The following HEBP1 variants were observed in gnomAD, a reference collection of about 807,000 sequenced individuals.
HEBP1 encodes heme-binding protein 1.
Under a neutral mutation model 20.4 loss-of-function variants are expected in HEBP1, and 13 were observed. That is an observed-to-expected ratio of 0.64 (90% CI 0.42 to 1.01). The LOEUF is 1.01. Among genes scored for constraint, HEBP1 ranks in the 50% least tolerant of loss-of-function variants. HEBP1 has a pLI of 0.00. For synonymous variants in HEBP1, 92 were observed against 90.7 expected (o/e 1.01, Z -0.08); for missense variants, 241 against 247.3 (o/e 0.97, Z 0.17).
chr12:12,978,889 A>C (rs1218134534), intron 3 of HEBP1: 1 of 152,228 alleles, frequency 6.6e-6, no homozygotes, highest in Non-Finnish European at 1.5e-5. Flanking sequence ...AAATACATTC[A>C]TGCAACAATT....
Position 12,975,237 on chromosome 12 carries a change from G to C in HEBP1, c.*71C>G. On this transcript the variant is annotated 3_prime_UTR_variant, in exon 4 of 4. Transcript: ENST00000014930. Reference sequence around the variant, plus strand: ...TTGCAGCTGGAACTTGGGAAGCACTGTCCCCTCCTTACCCCCGAGGAAGGA... The same window carrying C: ...TTGCAGCTGGAACTTGGGAAGCACTCTCCCCTCCTTACCCCCGAGGAAGGA... 1 of 1,462,876 alleles carries C rather than the reference G, an allele frequency of 6.8e-7. No individual in the cohort carries two copies. Among genetic ancestry groups the C allele is most frequent in the South Asian group, 1.2e-5 (1 of 83,334 alleles). 90.6% of individuals were successfully genotyped at this position (1,462,876 alleles called of 1,614,324 possible). A position where few individuals can be genotyped will look rare whatever the true frequency, so the allele number is the denominator to read the frequency against.
At position 12,986,874 on chromosome 12, in the gene HEBP1, G is replaced by C. The variant is rs1267495271; in HGVS notation, c.398+278C>G. On this transcript the variant is annotated intron_variant, in intron 3 of 3. Coordinates refer to ENST00000014930, the MANE Select transcript of HEBP1 (RefSeq NM_015987.5). The surrounding 1 kb of genome is among the most constrained non-coding windows in gnomAD (Gnocchi z 4.3). ...TATTTGCTGAGTCTCCTAGAACCCT[G>C]CTATGGCTAATGTAGACATTCACTG... 1 of 344,666 alleles carries C rather than the reference G, an allele frequency of 2.9e-6. No individual in the cohort carries two copies. Among genetic ancestry groups the C allele is most frequent in the Non-Finnish European group, 5.3e-6 (1 of 188,534 alleles). The allele number at this position is 344,666 out of a possible 1,614,324, so 21.4% of individuals were successfully genotyped here. A position where few individuals can be genotyped will look rare whatever the true frequency, so the allele number is the denominator to read the frequency against.
At chr12:12,999,150 TC>T (rs1011112718) in intron 1 of HEBP1, among the ~76,000 whole-genome samples, 67 of 152,306 alleles carry the variant, frequency 4.4e-4, no homozygotes, top group African/African-American at 1.5e-3. Flanking sequence ...TACACAGTAG[TC>T]CCCCTTATCT....
In HEBP1 at chr12:12,987,264, T is replaced by G. The variant is rs1275126243; in HGVS notation, c.286A>C (p.Lys96Gln). 1 of 1,614,116 alleles carries G rather than the reference T, an allele frequency of 6.2e-7. No individual in the cohort carries two copies. The highest frequency in any genetic ancestry group is 1.1e-5 in the South Asian group (1 of 91,082). Residue 96 changes from lysine to glutamine, a missense_variant, in exon 3 of 4, where the codon AAG becomes CAG. Transcript: ENST00000014930. ...VFPNEDGSLQ[K>Q]KLKVWFRIPN... The stretch of plus-strand genomic sequence containing the variant: ...ATCCGGAACCAGACTTTTAATTTCT[T>G]CTGCAGAGAGCCATCTTCATTGGGG...
intron 2 of HEBP1, among the ~76,000 whole-genome samples, chr12:12,987,756 C>A (rs912445807): frequency 1.1e-4 from 17 of 152,064 alleles, no homozygotes; most frequent in African/African-American, 3.6e-4. Context: ...TGTGCCTCAG[C>A]CTTCTGAGTA....
At chr12:12,987,608 C>CTCTCTCTCTT (rs564000637) in intron 2 of HEBP1, among the ~76,000 whole-genome samples, 2 of 48,158 alleles carry the variant, frequency 4.2e-5, no homozygotes, top group Admixed American at 3.3e-4. Flanking sequence ...CTCTCTCTCT[C>CTCTCTCTCTT]TCTTTCTCTC....
At chr12:12,990,187 T>C (rs1864205089) in intron 1 of HEBP1, among the ~76,000 whole-genome samples, 1 of 151,812 alleles carries the variant, frequency 6.6e-6, no homozygotes, top group South Asian at 2.1e-4. Context: ...TTATTTATTT[T>C]TGAGACAGTG....
intron 3 of HEBP1, 101 bp from the exon 4 acceptor site, chr12:12,975,580 A>G: frequency 9.8e-7 from 1 of 1,023,286 alleles, no homozygotes. Context: ...TATGACAAGC[A>G]TGCTAGAGTG....
chr12:12,989,491 G>A (rs1864192388), intron 1 of HEBP1, 76 bp from the exon 2 acceptor site: 2 of 1,521,776 alleles, frequency 1.3e-6, no homozygotes, highest in Non-Finnish European at 1.8e-6. Context: ...AGTAACAGAG[G>A]GCTAAAAAAC....
chr12:12,999,071 G>T (rs1329375396), intron 1 of HEBP1, among the ~76,000 whole-genome samples: 1 of 152,216 alleles, frequency 6.6e-6, no homozygotes, highest in Non-Finnish European at 1.5e-5. Flanking sequence ...TAGCCCCCTG[G>T]CAGAATTGAC....
chr12:12,983,999 G>GCAT, intron 3 of HEBP1: 1 of 282,918 alleles, frequency 3.5e-6, no homozygotes, highest in Admixed American at 4.8e-5. Flanking sequence ...GGCAATTAGA[G>GCAT]CATCAATAAG....
chr12:12,983,420 A>C (rs1303189453), intron 3 of HEBP1: 2 of 281,432 alleles, frequency 7.1e-6, no homozygotes, highest in Non-Finnish European at 1.4e-5. Context: ...TCTCTTCACA[A>C]GGTCATAAAG....
chr12:12,991,313 C>T (rs933059398), intron 1 of HEBP1, among the ~76,000 whole-genome samples: 3 of 152,232 alleles, frequency 2.0e-5, no homozygotes, highest in African/African-American at 7.2e-5. Context: ...CCAGAACCCA[C>T]AGACAGGAAG....
intron 1 of HEBP1, among the ~76,000 whole-genome samples, chr12:12,994,886 G>A (rs1864272419): frequency 6.6e-6 from 1 of 152,132 alleles, no homozygotes; most frequent in African/African-American, 2.4e-5. Flanking sequence ...TGTCCAGAGA[G>A]CATATATAGG....
At chr12:12,978,494 C>T (rs575451225) in intron 3 of HEBP1, among the ~76,000 whole-genome samples, 4 of 152,172 alleles carry the variant, frequency 2.6e-5, no homozygotes, top group Non-Finnish European at 4.4e-5. Context: ...TGAGCCACCA[C>T]GCCCGGCCTG....
chr12:12,981,912 T>C (rs1191938128), intron 3 of HEBP1, among the ~76,000 whole-genome samples: 1 of 152,206 alleles, frequency 6.6e-6, no homozygotes, highest in Non-Finnish European at 1.5e-5. Context: ...AAGATCTTTA[T>C]GGGACAGAGC....
intron 3 of HEBP1, among the ~76,000 whole-genome samples, chr12:12,985,475 C>T (rs1483322402): frequency 6.6e-6 from 1 of 151,748 alleles, no homozygotes; most frequent in Non-Finnish European, 1.5e-5. Flanking sequence ...AATTCCCATA[C>T]TAAAAAGTTA....
Position 12,996,039 on chromosome 12 carries a change from A to G in HEBP1, c.78+3998T>C, listed in dbSNP as rs1026866394. Among the ~76,000 whole-genome samples, 3 of 152,186 alleles carry G rather than the reference A, an allele frequency of 2.0e-5. No individual in the cohort carries two copies. The highest frequency in any genetic ancestry group is 7.2e-5 in the African/African-American group (3 of 41,450). On this transcript the variant is annotated intron_variant, in intron 1 of 3. Transcript: ENST00000014930. This position sits in a 1 kb window ranked among gnomAD's most constrained non-coding sequence, Gnocchi z 4.1. ...AGTGGGTATACATGCTAATGTTGGA[A>G]ACCTGCTTTCTCATTACAAGAAAAT...
intron 2 of HEBP1, 55 bp downstream of exon 2, chr12:12,989,222 A>G: frequency 6.3e-7 from 1 of 1,596,366 alleles, no homozygotes; most frequent in East Asian, 2.2e-5. Context: ...TGATGAAGTG[A>G]GACCTTGCAA....
Sources: gnomAD v4.1 joint callset for allele counts (sites outside exome capture counted in the v4.1 genomes callset) on GRCh38, gnomAD v4.1.1 for gene constraint, Gnocchi (gnomAD v3.1) non-coding constraint, MANE v1.5 for transcripts, NCBI Gene and HGNC (gene_info 2026-07-23, HGNC 2026-07-21) for gene names.